LRFN5: variants seen among roughly 807,000 people sequenced by gnomAD.
LRFN5 encodes leucine rich repeat and fibronectin type III domain containing 5.
A neutral mutation model predicts 45.6 loss-of-function variants in LRFN5; 24 were observed. The ratio of observed to expected loss-of-function variants is 0.53; its 90% confidence interval spans 0.38 to 0.74. The LOEUF is 0.74. LRFN5 is among the 30% of genes least tolerant of loss of function. The pLI, the probability that LRFN5 is intolerant of heterozygous loss-of-function variation, is 0.00. For missense variants in LRFN5, 776 were observed against 861.5 expected (o/e 0.90, Z 1.24); for synonymous variants, 340 against 313.8 (o/e 1.08, Z -0.88).
Position 41,670,028 on chromosome 14 carries a change from T to A in LRFN5, c.-197+61466T>A, listed in dbSNP as rs569159216. Among the ~76,000 whole-genome samples the A allele has an allele frequency of 8.4e-4, 126 of 149,590 alleles. 2 individuals carry two copies. In the South Asian group the frequency reaches 0.025, roughly 30 times the overall value. On this transcript the variant is annotated intron_variant, in intron 1 of 5. Coordinates refer to ENST00000298119, the MANE Select transcript of LRFN5 (RefSeq NM_152447.5). ...AATTTGCTATGCAGTATATAAAATA[T>A]AACATAATACAAAAATGTATAATAA...
At chr14:41,766,545 C>A (rs1433319036) in intron 1 of LRFN5, among the ~76,000 whole-genome samples, 2 of 152,108 alleles carry the variant, frequency 1.3e-5, no homozygotes, top group African/African-American at 4.8e-5. Context: ...TAACATTAGA[C>A]TGCAAGTTGA....
intron 2 of LRFN5, among the ~76,000 whole-genome samples, chr14:41,808,389 A>AG: frequency 2.8e-5 from 2 of 72,066 alleles, no homozygotes. Context: ...GAAGGAAGGA[A>AG]GGAAAGGAAG....
intron 2 of LRFN5, among the ~76,000 whole-genome samples, chr14:41,877,218 C>G (rs913386713): frequency 6.6e-6 from 1 of 152,140 alleles, no homozygotes; most frequent in Non-Finnish European, 1.5e-5. Context: ...AATAAATTAA[C>G]TATATGCAGT....
intron 2 of LRFN5, among the ~76,000 whole-genome samples, chr14:41,845,974 C>T (rs545754450): frequency 1.3e-3 from 195 of 152,210 alleles, no homozygotes; most frequent in African/African-American, 4.5e-3. Context: ...GTATTTGTTT[C>T]AGAAAGAAAA....
chr14:41,739,260 C>T (rs568124322), intron 1 of LRFN5, among the ~76,000 whole-genome samples: 1 of 152,172 alleles, frequency 6.6e-6, no homozygotes, highest in Admixed American at 6.6e-5. Context: ...TGGCATGTGC[C>T]TGTAGTCTTA....
In LRFN5 at chr14:41,824,899, C is replaced by T. The variant is rs145883842; in HGVS notation, c.-21+57870C>T. On this transcript the variant is annotated intron_variant, in intron 2 of 5. Coordinates refer to ENST00000298119, the MANE Select transcript of LRFN5 (RefSeq NM_152447.5). ...AGGGGACTGCACTAGCTCCAAGTCC[C>T]GGGCAAGCAAAAACAATGTCCACCT... 1.1e-4 allele frequency among the ~76,000 whole-genome samples: 17 copies of T among 152,136 alleles called. No individual in the cohort carries two copies. In the East Asian group the frequency reaches 3.1e-3, roughly 28 times the overall value.
At chr14:41,813,438 A>C (rs1887806927) in intron 2 of LRFN5, among the ~76,000 whole-genome samples, 1 of 152,046 alleles carries the variant, frequency 6.6e-6, no homozygotes, top group Admixed American at 6.6e-5. Flanking sequence ...AGTGAGAACA[A>C]ATGGTGTTTA....
intron 1 of LRFN5, among the ~76,000 whole-genome samples, chr14:41,693,999 A>T (rs1597052): frequency 0.61 from 92,783 of 151,654 alleles, 29,872 homozygotes; most frequent in East Asian, 0.98. Context: ...TTTGGCAATT[A>T]TTTTTCTGCA....
intron 1 of LRFN5, among the ~76,000 whole-genome samples, chr14:41,624,255 T>C (rs1246684419): frequency 6.6e-6 from 1 of 152,144 alleles, no homozygotes; most frequent in African/African-American, 2.4e-5. Context: ...ATTTTAATCA[T>C]TGTGGACTGA....
At chr14:41,759,962 G>C (rs906869570) in intron 1 of LRFN5, among the ~76,000 whole-genome samples, 2 of 152,168 alleles carry the variant, frequency 1.3e-5, no homozygotes, top group African/African-American at 4.8e-5. Flanking sequence ...AACACAGAGG[G>C]ATTCCCACAT....
intron 2 of LRFN5, among the ~76,000 whole-genome samples, chr14:41,853,928 G>T (rs1426003577): frequency 2.6e-5 from 4 of 152,140 alleles, no homozygotes; most frequent in Non-Finnish European, 5.9e-5. Flanking sequence ...AAACCAATCA[G>T]TATTCTAAGC....
At chr14:41,745,835 G>A (rs1271088883) in intron 1 of LRFN5, among the ~76,000 whole-genome samples, 1 of 151,930 alleles carries the variant, frequency 6.6e-6, no homozygotes, top group Admixed American at 6.6e-5. Context: ...TCGAATATCT[G>A]AATAGCACTG....
chr14:41,818,511 A>G (rs1269953545), intron 2 of LRFN5, among the ~76,000 whole-genome samples: 1 of 151,948 alleles, frequency 6.6e-6, no homozygotes, highest in African/African-American at 2.4e-5. Context: ...ACAAACACAC[A>G]CACACACATA....
chr14:41,742,016 G>C (rs946580454), intron 1 of LRFN5, among the ~76,000 whole-genome samples: 6 of 151,630 alleles, frequency 4.0e-5, no homozygotes, highest in African/African-American at 1.4e-4. Flanking sequence ...GATAAGTGTT[G>C]GTGAGATAAC....
chr14:41,861,898 C>G (rs1443224943), intron 2 of LRFN5, among the ~76,000 whole-genome samples: 1 of 152,162 alleles, frequency 6.6e-6, no homozygotes, highest in East Asian at 1.9e-4. Flanking sequence ...TCTGTGTCCC[C>G]ACCCAAATCT....
At chr14:41,852,439 G>A (rs1005985834) in intron 2 of LRFN5, among the ~76,000 whole-genome samples, 2 of 151,646 alleles carry the variant, frequency 1.3e-5, no homozygotes, top group African/African-American at 4.8e-5. Flanking sequence ...TCACTGGCTC[G>A]CAGGTAGTTC....
At chr14:41,803,122 A>T (rs866193331) in intron 2 of LRFN5, among the ~76,000 whole-genome samples, 1 of 152,298 alleles carries the variant, frequency 6.6e-6, no homozygotes, top group Middle Eastern at 3.4e-3. Context: ...TCAAGTATGT[A>T]ATTATTTATG....
intron 1 of LRFN5, among the ~76,000 whole-genome samples, chr14:41,738,588 A>G (rs931469651): frequency 1.3e-5 from 2 of 152,254 alleles, no homozygotes; most frequent in Non-Finnish European, 2.9e-5. Context: ...CTTTTGGAAT[A>G]TATCATTCAA....
At chr14:41,837,087 A>C (rs1160154522) in intron 2 of LRFN5, among the ~76,000 whole-genome samples, 3 of 150,690 alleles carry the variant, frequency 2.0e-5, no homozygotes, top group African/African-American at 4.9e-5. Flanking sequence ...ACCTCTAGAG[A>C]ATTGGAAGGT....
Sources: allele counts gnomAD v4.1 joint callset (sites outside exome capture counted in the v4.1 genomes callset), GRCh38; gene constraint gnomAD v4.1.1; transcripts MANE v1.5; gene names NCBI Gene and HGNC (gene_info 2026-07-23, HGNC 2026-07-21).